Variants in RFX7 observed in about 807,000 individuals in gnomAD.
The protein encoded by RFX7 is DNA-binding protein RFX7.
RFX7 carries 26 observed loss-of-function variants against 111.8 expected under a neutral mutation model. The ratio of observed to expected loss-of-function variants is 0.23; its 90% CI spans 0.17 to 0.32. RFX7 has a LOEUF of 0.32. RFX7 is among the 10% of genes least tolerant of loss of function. RFX7 has a pLI of 1.00. For synonymous variants in RFX7, 624 were observed against 624.4 expected, an observed-to-expected ratio of 1.00 and a Z score of 0.01; for missense variants, 1,573 against 1,772.9, an observed-to-expected ratio of 0.89 and a Z score of 2.02.
chr15:56,196,014 G>A (rs2043143313), intron 2 of RFX7, among the ~76,000 whole-genome samples: 1 of 152,024 alleles, frequency 6.6e-6, no homozygotes, highest in South Asian at 2.1e-4. Flanking sequence ...CCAGAAGAAT[G>A]AACTTTATCA....
At chr15:56,144,275 A>T in intron 4 of RFX7, 126 bp downstream of exon 4, 1 of 268,802 alleles carries the variant, frequency 3.7e-6, no homozygotes, top group Non-Finnish European at 7.6e-6. Flanking sequence ...TTGTTTTGCC[A>T]GTATGTTTTC....
intron 2 of RFX7, among the ~76,000 whole-genome samples, chr15:56,217,378 G>T (rs1421296022): frequency 6.6e-6 from 1 of 150,862 alleles, no homozygotes; most frequent in African/African-American, 2.4e-5. Flanking sequence ...CCTAGAACCA[G>T]ATCAAATCTA....
chr15:56,118,073 G>GTA (rs55681654), intron 5 of RFX7, among the ~76,000 whole-genome samples: 15,991 of 150,692 alleles, frequency 0.11, 986 homozygotes, highest in Middle Eastern at 0.2. Flanking sequence ...TATATATTAG[G>GTA]TATATATATA....
At chr15:56,215,088 A>G (rs1353831631) in intron 2 of RFX7, among the ~76,000 whole-genome samples, 3 of 152,214 alleles carry the variant, frequency 2.0e-5, no homozygotes, top group Non-Finnish European at 4.4e-5. Context: ...TCCCATGGAT[A>G]CCATGATCTG....
rs1445906418 is a variant in RFX7, at chr15:56,090,796, C to T, written c.*2549G>A. ...TTATATGAACCTCAGAAGCACTGCA[C>T]AAAAAAACACTTTCCTTCTTTTCAG... On this transcript the variant is annotated 3_prime_UTR_variant, in exon 10 of 10. Transcript: ENST00000559447. The T allele has an allele frequency of 6.6e-6, 1 of 152,282 alleles. No homozygotes were observed. Among genetic ancestry groups the T allele is most frequent in the African/African-American group, 2.4e-5 (1 of 41,338 alleles). 9.4% of individuals were successfully genotyped at this position (152,282 alleles called of 1,614,324 possible).
intron 2 of RFX7, chr15:56,192,330 GC>G: frequency 4.5e-6 from 1 of 219,874 alleles, no homozygotes. Flanking sequence ...TCTTCTCAGT[GC>G]CAGAGAAGCT....
At chr15:56,226,108 G>C (rs1210302361) in intron 2 of RFX7, among the ~76,000 whole-genome samples, 1 of 151,980 alleles carries the variant, frequency 6.6e-6, no homozygotes, top group African/African-American at 2.4e-5. Context: ...AAAATAGGAG[G>C]TTCTGAATTT....
At position 56,155,297 on chromosome 15, in the gene RFX7, A is replaced by G. The variant is rs898271300; in HGVS notation, c.196-10814T>C. Among the ~76,000 whole-genome samples the G allele has an allele frequency of 2.0e-5, 3 of 152,142 alleles. 1 individual carries two copies. Among genetic ancestry groups the G allele is most frequent in the African/African-American group, 4.8e-5 (2 of 41,448 alleles). On this transcript the variant is annotated intron_variant, in intron 3 of 9. Coordinates refer to ENST00000559447, the MANE Select transcript of RFX7 (RefSeq NM_022841.7). ...GCATATACCCATAAATCATTCTACA[A>G]TAAAGGCACATGCACACGTATGTTT...
In RFX7 at chr15:56,202,680, T is replaced by C. The variant is rs975639305; in HGVS notation, c.162-23377A>G. 3.9e-5 allele frequency among the ~76,000 whole-genome samples: 6 copies of C among 152,152 alleles called. No homozygotes were observed. In the East Asian group the frequency reaches 7.7e-4, roughly 20 times the overall value. ...AAAATAAACGAGCCAGGTGTGGTGA[T>C]GTGTGCTTATAGATCCAGCTATGTG... On this transcript the variant is annotated intron_variant, in intron 2 of 9. Coordinates refer to ENST00000559447, the MANE Select transcript of RFX7 (RefSeq NM_022841.7).
intron 2 of RFX7, among the ~76,000 whole-genome samples, chr15:56,221,619 C>G (rs190093188): frequency 9.2e-5 from 14 of 152,074 alleles, no homozygotes; most frequent in Non-Finnish European, 8.8e-5. Context: ...CACTGTTCCT[C>G]ATTTCCTGTC....
intron 3 of RFX7, among the ~76,000 whole-genome samples, chr15:56,147,372 C>CA (rs1207939815): frequency 1.3e-5 from 2 of 151,958 alleles, no homozygotes; most frequent in African/African-American, 2.4e-5. Context: ...ATTAAATATC[C>CA]AAAATAGGCA....
At chr15:56,222,863 T>C (rs2043441509) in intron 2 of RFX7, among the ~76,000 whole-genome samples, 1 of 152,230 alleles carries the variant, frequency 6.6e-6, no homozygotes, top group Non-Finnish European at 1.5e-5. Flanking sequence ...TAATTTTTTA[T>C]ACAGCTGGTC....
In RFX7 at chr15:56,169,711, T is replaced by C. The variant is rs984031391; in HGVS notation, c.195+9559A>G. On this transcript the variant is annotated intron_variant, in intron 3 of 9. Transcript: ENST00000559447. The stretch of plus-strand genomic sequence containing the variant: ...AATGCTAGTCAGTTCTTTTTTTTTT[T>C]TTTTTTTTTTTTTAGTTTCTAGTCT... Among the ~76,000 whole-genome samples, 5 of 149,446 alleles carry C rather than the reference T, an allele frequency of 3.3e-5. No homozygotes were observed. In the South Asian group the frequency reaches 8.5e-4, roughly 26 times the overall value.
chr15:56,223,049 A>G (rs1221132282), intron 2 of RFX7, among the ~76,000 whole-genome samples: 1 of 152,210 alleles, frequency 6.6e-6, no homozygotes, highest in Non-Finnish European at 1.5e-5. Flanking sequence ...TCTTTATGCT[A>G]TAGACATCCT....
intron 2 of RFX7, among the ~76,000 whole-genome samples, chr15:56,200,098 T>C (rs2043179389): frequency 1.3e-5 from 2 of 152,180 alleles, no homozygotes; most frequent in East Asian, 3.9e-4. Context: ...AAACATTATA[T>C]ATTGTCAGTA....
chr15:56,139,469 G>C (rs1423613015), intron 5 of RFX7, among the ~76,000 whole-genome samples: 2 of 152,138 alleles, frequency 1.3e-5, no homozygotes, highest in Non-Finnish European at 2.9e-5. Context: ...AGCTCCATCA[G>C]CTCCTTTAAG....
chr15:56,221,229 T>C (rs956102726), intron 2 of RFX7, among the ~76,000 whole-genome samples: 2 of 152,210 alleles, frequency 1.3e-5, no homozygotes, highest in African/African-American at 4.8e-5. Context: ...TCACTGGTAG[T>C]TTGATACAAA....
In RFX7 at chr15:56,093,738, A is replaced by C. The variant is rs1488940018; in HGVS notation, c.3990T>G (p.Pro1330=). ...SNSTGQINFS[P]GDNQAQSEIG... is the part of the protein sequence containing the mutation. ...TTTCTGATTGTGCTTGATTATCTCC[A>C]GGAGAAAAATTGATCTGACCGGTGC... Residue 1330 remains proline (P), a synonymous_variant, in exon 10 of 10, where the codon CCT becomes CCG. Transcript: ENST00000559447. The C allele has an allele frequency of 5.0e-6, 8 of 1,613,752 alleles. No homozygotes were observed. Among genetic ancestry groups the C allele is most frequent in the Non-Finnish European group, 6.8e-6 (8 of 1,179,796 alleles).
Position 56,094,077 on chromosome 15 carries a change from G to C in RFX7, c.3651C>G (p.Asn1217Lys), listed in dbSNP as rs368939488. ...CTGATTGGCTTCTTTGAGCTATGTT[G>C]TTGGCACATGCGTCTGTGTGAACAT... ...FTNVHTDACA[N>K]NIAQRSQSVP... The change falls in exon 10 of 10, where the codon AAC (asparagine) becomes AAG (lysine). Residue 1217 changes from asparagine (N) to lysine (K), a missense_variant. Physicochemically the swap from Asn to Lys is moderately conservative, Grantham distance 94. Transcript: ENST00000559447. The C allele has an allele frequency of 2.5e-6, 4 of 1,613,992 alleles. No homozygotes were observed. Among genetic ancestry groups the C allele is most frequent in the Non-Finnish European group, 3.4e-6 (4 of 1,179,888 alleles).
Sources: allele counts gnomAD v4.1 joint callset (sites outside exome capture counted in the v4.1 genomes callset), GRCh38; gene constraint gnomAD v4.1.1; transcripts MANE v1.5; gene names NCBI Gene and HGNC (gene_info 2026-07-23, HGNC 2026-07-21).